Variants in SGCZ observed in about 807,000 individuals in gnomAD.
SGCZ encodes the protein sarcoglycan zeta.
Under a neutral mutation model 41.3 loss-of-function variants are expected in SGCZ, and 40 were observed. That is an observed-to-expected ratio of 0.97 (90% CI 0.75 to 1.26). The LOEUF is 1.26. SGCZ is among the 50% of genes most tolerant of loss of function. The probability of loss-of-function intolerance (pLI) is 0.00; values close to 1 mark genes in which losing one functional copy is unlikely to be tolerated. For synonymous variants in SGCZ, 206 were observed against 137.5 expected, an observed-to-expected ratio of 1.50 and a Z score of -3.49; for missense variants, 552 against 369.8, an observed-to-expected ratio of 1.49 and a Z score of -4.04.
chr8:15,026,033 A>C (rs1803444751), intron 1 of SGCZ, among the ~76,000 whole-genome samples: 1 of 152,140 alleles, frequency 6.6e-6, no homozygotes, highest in Admixed American at 6.5e-5. Flanking sequence ...TAAAAACTTA[A>C]ATATACAAAA....
chr8:14,361,736 G>C (rs1437592222), intron 2 of SGCZ, among the ~76,000 whole-genome samples: 1 of 152,210 alleles, frequency 6.6e-6, no homozygotes, highest in Non-Finnish European at 1.5e-5. Flanking sequence ...GTGAGGAGTT[G>C]TGTTCCTTTG....
At chr8:14,831,779 C>T (rs7814597) in intron 1 of SGCZ, among the ~76,000 whole-genome samples, 56 of 139,904 alleles carry the variant, frequency 4.0e-4, no homozygotes, top group African/African-American at 1.4e-3. Context: ...TATACACACA[C>T]GTATATATGT....
Position 14,090,563 on chromosome 8 carries a change from G to A in SGCZ, c.819C>T (p.Ser273=), listed in dbSNP as rs1392501380. Residue 273 remains serine, a synonymous_variant, in exon 8 of 8, where the codon TCC becomes TCT. Coordinates refer to ENST00000382080, the MANE Select transcript of SGCZ (RefSeq NM_139167.4). Reference sequence around the variant, plus strand: ...CATACACTGTCTGTCGAGAACTTGAGGAGCTGGGTGAAGAAGATGAGAAGG... The same window carrying A: ...CATACACTGTCTGTCGAGAACTTGAAGAGCTGGGTGAAGAAGATGAGAAGG... ...TGSFSSSSPS[S]SSSRQTVYEL... is the part of the protein sequence containing the mutation. 1.2e-6 allele frequency: 2 copies of A among 1,613,070 alleles called. No individual in the cohort carries two copies.
intron 1 of SGCZ, among the ~76,000 whole-genome samples, chr8:14,634,642 T>C (rs1806769189): frequency 6.6e-6 from 1 of 151,690 alleles, no homozygotes; most frequent in African/African-American, 2.4e-5. Flanking sequence ...ACCACTGAGG[T>C]CTCCAATTTC....
At chr8:14,832,791 A>G (rs535339529) in intron 1 of SGCZ, among the ~76,000 whole-genome samples, 2 of 152,232 alleles carry the variant, frequency 1.3e-5, no homozygotes, top group East Asian at 3.9e-4. Flanking sequence ...AAAATTTCAG[A>G]GACATAAATA....
intron 1 of SGCZ, among the ~76,000 whole-genome samples, chr8:15,026,914 C>G: frequency 6.6e-6 from 1 of 152,304 alleles, no homozygotes; most frequent in South Asian, 2.1e-4. Context: ...TCTGTTTACT[C>G]AGCAATCACC....
intron 1 of SGCZ, among the ~76,000 whole-genome samples, chr8:15,097,045 G>A (rs1024087971): frequency 6.6e-6 from 1 of 151,910 alleles, no homozygotes; most frequent in African/African-American, 2.4e-5. Flanking sequence ...TTTAACCCCA[G>A]GCACAAGTGC....
At chr8:14,623,460 T>A (rs1217162678) in intron 1 of SGCZ, among the ~76,000 whole-genome samples, 1 of 152,192 alleles carries the variant, frequency 6.6e-6, no homozygotes, top group African/African-American at 2.4e-5. Flanking sequence ...CTCTGACCTC[T>A]GTTGTTTTTC....
At chr8:14,292,089 A>G (rs957245806) in intron 3 of SGCZ, among the ~76,000 whole-genome samples, 1 of 152,096 alleles carries the variant, frequency 6.6e-6, no homozygotes, top group Non-Finnish European at 1.5e-5. Context: ...TGACAGGTAG[A>G]TATCAAAATT....
At chr8:15,165,190 T>G (rs1026641370) in intron 1 of SGCZ, among the ~76,000 whole-genome samples, 2 of 152,062 alleles carry the variant, frequency 1.3e-5, no homozygotes, top group Non-Finnish European at 2.9e-5. Context: ...CTCAGGAGGC[T>G]GAGGCAGAAA....
intron 1 of SGCZ, among the ~76,000 whole-genome samples, chr8:14,635,878 T>A (rs1806810385): frequency 6.6e-6 from 1 of 151,836 alleles, no homozygotes; most frequent in Non-Finnish European, 1.5e-5. Context: ...AATTTACATT[T>A]TACTTGGGGC....
At chr8:14,458,321 A>G (rs1800807531) in intron 2 of SGCZ, among the ~76,000 whole-genome samples, 1 of 152,210 alleles carries the variant, frequency 6.6e-6, no homozygotes, top group Non-Finnish European at 1.5e-5. Flanking sequence ...AGGAAGCAGT[A>G]CTTTTTACTG....
At chr8:15,009,238 A>T (rs1352043208) in intron 1 of SGCZ, among the ~76,000 whole-genome samples, 1 of 34,298 alleles carries the variant, frequency 2.9e-5, no homozygotes, top group Admixed American at 3.6e-4. Flanking sequence ...GCAAAGGGGA[A>T]GTAAGCATGA....
intron 1 of SGCZ, among the ~76,000 whole-genome samples, chr8:15,018,563 G>A (rs984988443): frequency 6.6e-5 from 10 of 152,220 alleles, no homozygotes; most frequent in East Asian, 1.9e-4. Context: ...CTGGTGCAAA[G>A]GCCCCCAACT....
intron 2 of SGCZ, among the ~76,000 whole-genome samples, chr8:14,404,154 C>T (rs1051795518): frequency 6.6e-6 from 1 of 152,086 alleles, no homozygotes; most frequent in Non-Finnish European, 1.5e-5. Flanking sequence ...TTAAATTTTA[C>T]TCTCATAACA....
At chr8:15,005,316 TTTTTTC>T (rs1802567668) in intron 1 of SGCZ, among the ~76,000 whole-genome samples, 13 of 38,050 alleles carry the variant, frequency 3.4e-4, no homozygotes, top group African/African-American at 7.6e-4. Flanking sequence ...CCTCCCCCGT[TTTTTTC>T]TTTTTCTTTT....
At chr8:14,236,437 C>A (rs577766045) in intron 4 of SGCZ, among the ~76,000 whole-genome samples, 1 of 151,758 alleles carries the variant, frequency 6.6e-6, no homozygotes, top group African/African-American at 2.4e-5. Context: ...TTGGGTTCAT[C>A]AAAACAAATA....
At chr8:14,982,020 C>T (rs111959012) in intron 1 of SGCZ, among the ~76,000 whole-genome samples, 10,355 of 151,908 alleles carry the variant, frequency 0.068, 511 homozygotes, top group African/African-American at 0.13. Context: ...CGTGGTGGCT[C>T]ATGCCTGTAA....
intron 1 of SGCZ, among the ~76,000 whole-genome samples, chr8:15,050,121 A>G (rs1804460714): frequency 6.6e-6 from 1 of 152,182 alleles, no homozygotes; most frequent in Non-Finnish European, 1.5e-5. Flanking sequence ...GATGAAATGA[A>G]TAAGATTTAC....
Sources: allele counts gnomAD v4.1 joint callset (sites outside exome capture counted in the v4.1 genomes callset), GRCh38; gene constraint gnomAD v4.1.1; transcripts MANE v1.5; gene names NCBI Gene and HGNC (gene_info 2026-07-23, HGNC 2026-07-21).